KSR2: variants seen among roughly 807,000 people sequenced by gnomAD.
The protein encoded by KSR2 is kinase suppressor of ras 2.
In KSR2, 25 loss-of-function variants were observed where a neutral mutation model predicts 107.8. The ratio of observed to expected loss-of-function variants is 0.23; its 90% CI spans 0.17 to 0.32. The LOEUF is 0.32. KSR2 is among the 10% of genes least tolerant of loss of function. KSR2 has a pLI of 1.00. For synonymous variants in KSR2, 480 were observed against 507.0 expected, an observed-to-expected ratio of 0.95 and a Z score of 0.71; for missense variants, 887 against 1,268.9, an observed-to-expected ratio of 0.70 and a Z score of 4.57.
chr12:117,663,571 G>A (rs376421973), intron 5 of KSR2, among the ~76,000 whole-genome samples: 23 of 152,242 alleles, frequency 1.5e-4, no homozygotes, highest in Admixed American at 3.9e-4. Context: ...CAGTCCCCAC[G>A]CTAGGGAATT....
chr12:117,823,023 A>C (rs529016412), intron 3 of KSR2, among the ~76,000 whole-genome samples: 1 of 152,326 alleles, frequency 6.6e-6, no homozygotes, highest in East Asian at 1.9e-4. Flanking sequence ...ATGAACGTCC[A>C]ATCAGAATCA....
intron 9 of KSR2, 88 bp from the exon 10 acceptor site, chr12:117,539,975 A>C (rs1592972268): frequency 9.0e-7 from 1 of 1,107,592 alleles, no homozygotes. Flanking sequence ...AGAGGCCCCC[A>C]CCCCAGCCCC....
intron 6 of KSR2, among the ~76,000 whole-genome samples, chr12:117,581,546 A>G (rs886635784): frequency 6.6e-6 from 1 of 152,226 alleles, no homozygotes; most frequent in Non-Finnish European, 1.5e-5. Context: ...CCAGGGCCTC[A>G]GTCTGCCTAT....
At chr12:117,581,000 T>C (rs950719954) in intron 6 of KSR2, among the ~76,000 whole-genome samples, 2 of 152,162 alleles carry the variant, frequency 1.3e-5, no homozygotes, top group South Asian at 2.1e-4. Context: ...CAGAGAGCAG[T>C]GAGGAGGAAA....
chr12:117,578,602 A>AG (rs1453360490), intron 7 of KSR2, among the ~76,000 whole-genome samples: 1 of 36,102 alleles, frequency 2.8e-5, no homozygotes, highest in East Asian at 8.0e-4. Flanking sequence ...ACTCCATCTC[A>AG]AAAAAAAAAA....
At chr12:117,874,071 A>G (rs1441295378) in intron 1 of KSR2, among the ~76,000 whole-genome samples, 1 of 152,242 alleles carries the variant, frequency 6.6e-6, no homozygotes, top group African/African-American at 2.4e-5. Context: ...GTCAGAAAAG[A>G]TAAAGCTGAT....
At chr12:117,623,959 T>G (rs1329876611) in intron 5 of KSR2, among the ~76,000 whole-genome samples, 1 of 152,260 alleles carries the variant, frequency 6.6e-6, no homozygotes, top group Admixed American at 6.5e-5. Flanking sequence ...GTGGTTTTGA[T>G]TTGCATTTCT....
chr12:117,924,445 G>A (rs113329488), intron 1 of KSR2, among the ~76,000 whole-genome samples: 8 of 150,902 alleles, frequency 5.3e-5, no homozygotes, highest in African/African-American at 1.5e-4. Context: ...GGTGGCAGGC[G>A]CCTGTAATCC....
At chr12:117,694,292 T>C (rs955560615) in intron 4 of KSR2, among the ~76,000 whole-genome samples, 4 of 152,162 alleles carry the variant, frequency 2.6e-5, no homozygotes, top group Non-Finnish European at 5.9e-5. Flanking sequence ...CTCCATACTG[T>C]TCTCGTGGTA....
intron 14 of KSR2, among the ~76,000 whole-genome samples, chr12:117,490,033 G>T (rs902269226): frequency 2.0e-5 from 3 of 152,166 alleles, no homozygotes; most frequent in African/African-American, 7.2e-5. Flanking sequence ...ATTCCTTCTA[G>T]CAATGCTGCA....
intron 1 of KSR2, among the ~76,000 whole-genome samples, chr12:117,939,588 T>C (rs1453740648): frequency 6.6e-6 from 1 of 152,072 alleles, no homozygotes; most frequent in Non-Finnish European, 1.5e-5. Context: ...GGCGGACGCC[T>C]GTAATCTCAC....
intron 3 of KSR2, among the ~76,000 whole-genome samples, chr12:117,794,636 C>A (rs532064450): frequency 7.8e-6 from 1 of 128,100 alleles, no homozygotes; most frequent in South Asian, 2.4e-4. Flanking sequence ...ACACACACAC[C>A]AATATGCACA....
chr12:117,481,538 GC>G (rs1872178979), intron 16 of KSR2, among the ~76,000 whole-genome samples: 3 of 152,168 alleles, frequency 2.0e-5, no homozygotes, highest in African/African-American at 7.2e-5. Flanking sequence ...CACTAAATTT[GC>G]CAGCACCTTG....
At chr12:117,506,338 T>C (rs927403407) in intron 14 of KSR2, among the ~76,000 whole-genome samples, 43 of 152,222 alleles carry the variant, frequency 2.8e-4, no homozygotes, top group African/African-American at 8.9e-4. Context: ...GTTCTCCATA[T>C]TATATGTTAA....
intron 5 of KSR2, among the ~76,000 whole-genome samples, chr12:117,599,446 GA>G (rs1386938771): frequency 1.3e-5 from 2 of 151,880 alleles, no homozygotes; most frequent in East Asian, 3.9e-4. Flanking sequence ...ACAAGTTCTA[GA>G]AGATGAATGA....
intron 1 of KSR2, among the ~76,000 whole-genome samples, chr12:117,873,572 T>C (rs941492435): frequency 4.0e-5 from 6 of 151,126 alleles, no homozygotes; most frequent in Non-Finnish European, 7.4e-5. Flanking sequence ...GCGATTCTCG[T>C]GCCTCAGCCT....
intron 14 of KSR2, among the ~76,000 whole-genome samples, chr12:117,500,646 G>A (rs900872442): frequency 2.0e-5 from 3 of 152,198 alleles, no homozygotes; most frequent in African/African-American, 7.2e-5. Context: ...CAGAGGCTGA[G>A]GAACAAGGGA....
intron 4 of KSR2, among the ~76,000 whole-genome samples, chr12:117,758,864 C>A (rs765192541): frequency 1.3e-5 from 2 of 152,092 alleles, no homozygotes; most frequent in Non-Finnish European, 2.9e-5. Flanking sequence ...GGGAGAAGCA[C>A]AAAGTGTGGG....
chr12:117,874,977 C>A (rs993374220), intron 1 of KSR2, among the ~76,000 whole-genome samples: 1 of 152,156 alleles, frequency 6.6e-6, no homozygotes, highest in Non-Finnish European at 1.5e-5. Context: ...TTGCGGAAAT[C>A]CGACGGAGCT....
Sources: gnomAD v4.1 joint callset for allele counts (sites outside exome capture counted in the v4.1 genomes callset) on GRCh38, gnomAD v4.1.1 for gene constraint, MANE v1.5 for transcripts, NCBI Gene and HGNC (gene_info 2026-07-23, HGNC 2026-07-21) for gene names.